POU3F2: variants seen among roughly 807,000 people sequenced by gnomAD.
POU3F2 encodes POU domain, class 3, transcription factor 2.
Under a neutral mutation model 33.1 loss-of-function variants are expected in POU3F2, and 11 were observed. The ratio of observed to expected loss-of-function variants is 0.33; its 90% CI spans 0.21 to 0.55. The LOEUF (loss-of-function observed/expected upper bound fraction) is 0.55, where lower values mean the gene tolerates loss of function less well. Ranked by LOEUF, POU3F2 falls within the 20% of genes least tolerant of loss-of-function variation. The pLI, the probability that POU3F2 is intolerant of heterozygous loss-of-function variation, is 0.91. For synonymous variants in POU3F2, 332 were observed against 289.6 expected, an observed-to-expected ratio of 1.15 and a Z score of -1.49; for missense variants, 456 against 620.2, an observed-to-expected ratio of 0.74 and a Z score of 2.81.
At position 98,836,241 on chromosome 6, in the gene POU3F2, C is replaced by G. The variant is rs778860491; in HGVS notation, c.*36C>G. On this transcript the variant is annotated 3_prime_UTR_variant, in exon 1 of 1. Coordinates refer to ENST00000328345, the MANE Select transcript of POU3F2 (RefSeq NM_005604.4). The stretch of plus-strand genomic sequence containing the variant: ...GGGGAGGGGCAGAGCGCGGGGCTCC[C>G]CCTCCCCTTCGGTCCTTGGCCCTTT... The G allele has an allele frequency of 6.5e-7, 1 of 1,543,150 alleles. No individual in the cohort carries two copies. Among genetic ancestry groups the G allele is most frequent in the South Asian group, 1.3e-5 (1 of 78,610 alleles).
Position 98,835,581 on chromosome 6 carries a change from C to CCAG in POU3F2, c.713_715dup (p.Gln238dup). ...ACCCGCACCCGCACTCGCACCCACACCAGCAGCCGCCGCCCCCGCCGCCCC... is the reference window on the plus strand; with the variant it reads ...ACCCGCACCCGCACTCGCACCCACACCAGCAGCAGCCGCCGCCCCCGCCGCCCC... On this transcript the variant is annotated inframe_insertion, in exon 1 of 1. Coordinates refer to ENST00000328345, the MANE Select transcript of POU3F2 (RefSeq NM_005604.4). The surrounding 1 kb of genome is among the most constrained non-coding windows in gnomAD (Gnocchi z 9.7). 1 of 1,601,618 alleles carries CCAG rather than the reference C, an allele frequency of 6.2e-7. No individual in the cohort carries two copies. The highest frequency in any genetic ancestry group is 8.5e-7 in the Non-Finnish European group (1 of 1,176,298).
Position 98,836,110 on chromosome 6 carries a change from A to G in POU3F2, c.1237A>G (p.Thr413Ala). 6.2e-7 allele frequency: 1 copy of G among 1,604,636 alleles called. No individual in the cohort carries two copies. Among genetic ancestry groups the G allele is most frequent in the Non-Finnish European group, 8.5e-7 (1 of 1,177,728 alleles). Residue 413 changes from threonine (T) to alanine (A), a missense_variant, in exon 1 of 1, where the codon ACC becomes GCC. By Grantham distance (58) the Thr-to-Ala change is moderately conservative. This residue lies in a region of POU3F2 where 46 missense variants were observed against 45.6 expected (regional missense o/e 1.01). Coordinates refer to ENST00000328345, the MANE Select transcript of POU3F2 (RefSeq NM_005604.4). ...CAGGAGACAGAAAGAGAAAAGGATG[A>G]CCCCTCCCGGAGGGACTCTGCCGGG... The part of the protein sequence containing the change: ...CNRRQKEKRM[T>A]PPGGTLPGAE...
At position 98,835,616 on chromosome 6, in the gene POU3F2, C is replaced by G; in HGVS notation, c.743C>G (p.Pro248Arg). The G allele has an allele frequency of 1.9e-6, 3 of 1,611,780 alleles. No individual in the cohort carries two copies. The highest frequency in any genetic ancestry group is 2.2e-5 in the East Asian group (1 of 44,796). The change falls in exon 1 of 1, where the codon CCG becomes CGG. Residue 248 changes from proline to arginine, a missense_variant. Coordinates refer to ENST00000328345, the MANE Select transcript of POU3F2 (RefSeq NM_005604.4). This position sits in a 1 kb window ranked among gnomAD's most constrained non-coding sequence, Gnocchi z 9.7. ...CCGCCCCCGCCGCCCCCGCAGGGTC[C>G]GCCTGGCCACCCAGGCGCGCACCAC... ...QPPPPPPPQGPPGHPGAHHDP... is the reference protein window; with the variant it reads ...QPPPPPPPQGRPGHPGAHHDP...
In POU3F2 at chr6:98,834,674, G is replaced by A; in HGVS notation, c.-200G>A. On this transcript the variant is annotated 5_prime_UTR_variant, in exon 1 of 1. Transcript: ENST00000328345. ...AGGAGGAGAAAGAGAGCGAGGGCGG[G>A]CGGGAGGCGGCGGCGGCGGCAGCAG... 5 of 610,646 alleles carry A rather than the reference G, an allele frequency of 8.2e-6. No individual in the cohort carries two copies. The highest frequency in any genetic ancestry group is 1.1e-5 in the Non-Finnish European group (4 of 353,846). 37.8% of individuals were successfully genotyped at this position (610,646 alleles called of 1,614,324 possible).
At position 98,834,592 on chromosome 6, in the gene POU3F2, G is replaced by A; in HGVS notation, c.-282G>A. On this transcript the variant is annotated 5_prime_UTR_variant, in exon 1 of 1. Transcript: ENST00000328345. ...GAGCGGGAGAGAGCTGGAGAGAGCA[G>A]GGAGAGGGGGGAGCGCCGAGCTAGT... 1 of 472,894 alleles carries A rather than the reference G, an allele frequency of 2.1e-6. No individual in the cohort carries two copies. Among genetic ancestry groups the A allele is most frequent in the Admixed American group, 3.7e-5 (1 of 27,114 alleles). The allele number at this position is 472,894 out of a possible 1,614,324, so 29.3% of individuals were successfully genotyped here.
rs370911883 is a variant in POU3F2 at position 98,839,380 on chromosome 6, C to T, written c.*3175C>T. ...AACAAAGAATAACCCTGATAGTATACTATTGTGAGTTTACTAAATGATTAG... is the reference window on the plus strand; with the variant it reads ...AACAAAGAATAACCCTGATAGTATATTATTGTGAGTTTACTAAATGATTAG... On this transcript the variant is annotated 3_prime_UTR_variant, in exon 1 of 1. Coordinates refer to ENST00000328345, the MANE Select transcript of POU3F2 (RefSeq NM_005604.4). 2.6e-5 allele frequency: 4 copies of T among 152,230 alleles called. No homozygotes were observed. Among genetic ancestry groups the T allele is most frequent in the African/African-American group, 9.6e-5 (4 of 41,540 alleles). 9.4% of individuals were successfully genotyped at this position (152,230 alleles called of 1,614,324 possible). A position where few individuals can be genotyped will look rare whatever the true frequency, so the allele number is the denominator to read the frequency against.
At position 98,836,604 on chromosome 6, in the gene POU3F2, A is replaced by C; in HGVS notation, c.*399A>C. ...TCCACCAAACCATGATAAACACAAA[A>C]TGCAGCTTCCTGATGCTTAGAGTTG... On this transcript the variant is annotated 3_prime_UTR_variant, in exon 1 of 1. Coordinates refer to ENST00000328345, the MANE Select transcript of POU3F2 (RefSeq NM_005604.4). 6 of 173,990 alleles carry C rather than the reference A, an allele frequency of 3.4e-5. No individual in the cohort carries two copies. The highest frequency in any genetic ancestry group is 2.0e-4 in the South Asian group (1 of 4,956). The allele number at this position is 173,990 out of a possible 1,614,324, so 10.8% of individuals were successfully genotyped here. A position where few individuals can be genotyped will look rare whatever the true frequency, so the allele number is the denominator to read the frequency against.
rs1769964582 is a variant in POU3F2 at position 98,834,692 on chromosome 6, G to GGCA, written c.-171_-169dup. On this transcript the variant is annotated 5_prime_UTR_variant, in exon 1 of 1. Coordinates refer to ENST00000328345, the MANE Select transcript of POU3F2 (RefSeq NM_005604.4). ...AGGGCGGGCGGGAGGCGGCGGCGGC[G>GGCA]GCAGCAGCAGCAGTAATAGCAGGAG... 5 of 663,274 alleles carry GGCA rather than the reference G, an allele frequency of 7.5e-6. No individual in the cohort carries two copies. The highest frequency in any genetic ancestry group is 6.2e-5 in the East Asian group (2 of 32,244). 41.1% of individuals were successfully genotyped at this position (663,274 alleles called of 1,614,324 possible).
chr6:98,838,419 C>A lies in POU3F2; in HGVS notation c.*2214C>A, dbSNP rs1253282499. The A allele has an allele frequency of 1.8e-5, 3 of 166,942 alleles. No individual in the cohort carries two copies. Among genetic ancestry groups the A allele is most frequent in the Admixed American group, 6.5e-5 (1 of 15,270 alleles). 10.3% of individuals were successfully genotyped at this position (166,942 alleles called of 1,614,324 possible). A position where few individuals can be genotyped will look rare whatever the true frequency, so the allele number is the denominator to read the frequency against. On this transcript the variant is annotated 3_prime_UTR_variant, in exon 1 of 1. Transcript: ENST00000328345. ...TACTAAGATGAAAGTTACCACTGAA[C>A]CTTACCACTATGTATATATGTTTAA...
rs1770033641 is a variant in POU3F2 at position 98,838,715 on chromosome 6, A to C, written c.*2510A>C. 1 of 165,000 alleles carries C rather than the reference A, an allele frequency of 6.1e-6. No individual in the cohort carries two copies. Among genetic ancestry groups the C allele is most frequent in the Non-Finnish European group, 1.5e-5 (1 of 68,104 alleles). 10.2% of individuals were successfully genotyped at this position (165,000 alleles called of 1,614,324 possible). On this transcript the variant is annotated 3_prime_UTR_variant, in exon 1 of 1. Transcript: ENST00000328345. ...ACATTTGGTTGTGCTTGTGGGGAAA[A>C]TAAAAACGCAGAGATCCTTATATAT...
In POU3F2 at chr6:98,838,557, A is replaced by T. The variant is rs1770031144; in HGVS notation, c.*2352A>T. On this transcript the variant is annotated 3_prime_UTR_variant, in exon 1 of 1. Transcript: ENST00000328345. The stretch of plus-strand genomic sequence containing the variant: ...TATCATTTTTAAGTGGCCTGCCTCA[A>T]TGTATATTTATTTCTTTTGAAACAA... 1 of 166,536 alleles carries T rather than the reference A, an allele frequency of 6.0e-6. No individual in the cohort carries two copies. 10.3% of individuals were successfully genotyped at this position (166,536 alleles called of 1,614,324 possible).
rs1289140684 is a variant in POU3F2 at position 98,835,194 on chromosome 6, G to A, written c.321G>A (p.Val107=). Residue 107 remains valine, a synonymous_variant, in exon 1 of 1, where the codon GTG becomes GTA. Transcript: ENST00000328345. This position sits in a 1 kb window ranked among gnomAD's most constrained non-coding sequence, Gnocchi z 9.7. ...PLGQPDIKPS[V]VVQQGGRGDE... is the part of the protein sequence containing the mutation. ...GCCAGCCGGACATCAAGCCCTCGGT[G>A]GTGGTGCAGCAGGGCGGCCGCGGAG... 1 of 1,508,088 alleles carries A rather than the reference G, an allele frequency of 6.6e-7. No homozygotes were observed. The highest frequency in any genetic ancestry group is 2.8e-5 in the East Asian group (1 of 35,516). 93.4% of individuals were successfully genotyped at this position (1,508,088 alleles called of 1,614,324 possible).
chr6:98,835,603 C>A lies in POU3F2; in HGVS notation c.730C>A (p.Pro244Thr). The A allele has an allele frequency of 6.2e-7, 1 of 1,609,632 alleles. No individual in the cohort carries two copies. The highest frequency in any genetic ancestry group is 1.7e-4 in the Middle Eastern group (1 of 5,950). ...HPHQQPPPPPPPQGPPGHPGA... is the reference protein window; with the variant it reads ...HPHQQPPPPPTPQGPPGHPGA... The stretch of plus-strand genomic sequence containing the variant: ...ACACCAGCAGCCGCCGCCCCCGCCG[C>A]CCCCGCAGGGTCCGCCTGGCCACCC... The change falls in exon 1 of 1, where the codon CCC becomes ACC. Residue 244 changes from proline (P) to threonine (T), a missense_variant. By Grantham distance (38) the Pro-to-Thr change is conservative. This residue lies in a region of POU3F2 where 341 missense variants were observed against 382.4 expected (regional missense o/e 0.89). Transcript: ENST00000328345. This position sits in a 1 kb window ranked among gnomAD's most constrained non-coding sequence, Gnocchi z 9.7.
chr6:98,835,287 ACAGCAGCAACAGCAGCAGCAG>A lies in POU3F2; in HGVS notation c.428_448del (p.Gln143_Gln149del), dbSNP rs1162986180. 6 of 1,545,150 alleles carry A rather than the reference ACAGCAGCAACAGCAGCAGCAG, an allele frequency of 3.9e-6. No individual in the cohort carries two copies. In the Admixed American group the frequency reaches 9.8e-5, roughly 25 times the overall value. ...AGCAGCAACAGCAACAGCAGCAGCA[ACAGCAGCAACAGCAGCAGCAG>A]CAGCAGCAACAGCGGCCGCCGCATC... On this transcript the variant is annotated inframe_deletion, in exon 1 of 1. Transcript: ENST00000328345. The surrounding 1 kb of genome is among the most constrained non-coding windows in gnomAD (Gnocchi z 9.7).
Position 98,836,949 on chromosome 6 carries a change from C to T in POU3F2, c.*744C>T, listed in dbSNP as rs996075342. Reference sequence around the variant, plus strand: ...GAACTTTGGTTACCTTCACATTCCCCTTACGAGGGTGTAACATCTATTTGT... The same window carrying T: ...GAACTTTGGTTACCTTCACATTCCCTTTACGAGGGTGTAACATCTATTTGT... On this transcript the variant is annotated 3_prime_UTR_variant, in exon 1 of 1. Coordinates refer to ENST00000328345, the MANE Select transcript of POU3F2 (RefSeq NM_005604.4). 1 of 167,098 alleles carries T rather than the reference C, an allele frequency of 6.0e-6. No homozygotes were observed. The highest frequency in any genetic ancestry group is 1.5e-5 in the Non-Finnish European group (1 of 68,118). 10.4% of individuals were successfully genotyped at this position (167,098 alleles called of 1,614,324 possible).
chr6:98,835,605 C>T lies in POU3F2; in HGVS notation c.732C>T (p.Pro244=), dbSNP rs781702109. ...ACCAGCAGCCGCCGCCCCCGCCGCC[C>T]CCGCAGGGTCCGCCTGGCCACCCAG... ...HPHQQPPPPP[P]PQGPPGHPGA... The change falls in exon 1 of 1, where the codon CCC becomes CCT. Residue 244 remains proline, a synonymous_variant. Transcript: ENST00000328345. This position sits in a 1 kb window ranked among gnomAD's most constrained non-coding sequence, Gnocchi z 9.7. The T allele has an allele frequency of 1.9e-6, 3 of 1,610,114 alleles. No homozygotes were observed. Among genetic ancestry groups the T allele is most frequent in the African/African-American group, 2.7e-5 (2 of 74,854 alleles).
chr6:98,835,950 C>G lies in POU3F2; in HGVS notation c.1077C>G (p.Thr359=), dbSNP rs778199916. The G allele has an allele frequency of 3.7e-6, 6 of 1,614,212 alleles. No individual in the cohort carries two copies. In the South Asian group the frequency reaches 5.5e-5, roughly 15 times the overall value. ...AAGGGCGCAAGCGGAAAAAGCGGAC[C>G]TCCATCGAGGTGAGCGTCAAGGGGG... ...AAQGRKRKKR[T]SIEVSVKGAL... Residue 359 remains threonine, a synonymous_variant, in exon 1 of 1, where the codon ACC becomes ACG. Transcript: ENST00000328345. The surrounding 1 kb of genome is among the most constrained non-coding windows in gnomAD (Gnocchi z 9.7).
In POU3F2 at chr6:98,835,009, G is replaced by GTTTTTTAAT; in HGVS notation, c.136_137insTTTTTTAAT (p.Gly46delinsValPheTer). The GTTTTTTAAT allele has an allele frequency of 6.3e-7, 1 of 1,587,770 alleles. No homozygotes were observed. Among genetic ancestry groups the GTTTTTTAAT allele is most frequent in the Non-Finnish European group, 8.5e-7 (1 of 1,173,710 alleles). ...GCAGAGCCTGGTGCAGGGCGACTAC[G>GTTTTTTAAT]GCGCTCTGCAGAGCAACGGACACCC... On this transcript the variant is annotated stop_gained and protein_altering_variant, in exon 1 of 1. Transcript: ENST00000328345. LOFTEE classifies it high-confidence loss of function. This position sits in a 1 kb window ranked among gnomAD's most constrained non-coding sequence, Gnocchi z 9.7.
At position 98,835,251 on chromosome 6, in the gene POU3F2, G is replaced by GCAGCAT; in HGVS notation, c.384_389dup (p.His128_Gln129dup). ...TGCACGGGCCAGGCGCCCTGCAGCA[G>GCAGCAT]CAGCATCAGCAGCAGCAACAGCAAC... On this transcript the variant is annotated inframe_insertion, in exon 1 of 1. Coordinates refer to ENST00000328345, the MANE Select transcript of POU3F2 (RefSeq NM_005604.4). This position sits in a 1 kb window ranked among gnomAD's most constrained non-coding sequence, Gnocchi z 9.7. 1 of 1,542,348 alleles carries GCAGCAT rather than the reference G, an allele frequency of 6.5e-7. No individual in the cohort carries two copies. The highest frequency in any genetic ancestry group is 8.7e-7 in the Non-Finnish European group (1 of 1,144,492).
Sources: allele counts gnomAD v4.1 joint callset, GRCh38; gene constraint gnomAD v4.1.1; regional missense constraint gnomAD v4.1.1; non-coding constraint Gnocchi (gnomAD v3.1); transcripts MANE v1.5; gene names NCBI Gene and HGNC (gene_info 2026-07-23, HGNC 2026-07-21).